Variants in RNF103 observed in about 807,000 individuals in gnomAD.
RNF103 encodes the protein E3 ubiquitin-protein ligase RNF103.
In RNF103, 23 loss-of-function variants were observed where a neutral mutation model predicts 66.2. The ratio of observed to expected loss-of-function variants is 0.35; its 90% CI spans 0.25 to 0.49. The LOEUF is 0.49. Ranked by LOEUF, RNF103 falls within the 20% of genes least tolerant of loss-of-function variation. The pLI, the probability that RNF103 is intolerant of heterozygous loss-of-function variation, is 0.98. For missense variants in RNF103, 730 were observed against 814.7 expected (o/e 0.90, Z 1.27); for synonymous variants, 297 against 289.9 (o/e 1.02, Z -0.25).
chr2:86,618,033 G>T, intron 2 of RNF103: 1 of 454,908 alleles, frequency 2.2e-6, no homozygotes, highest in South Asian at 1.6e-5. Context: ...TTAAGCAGGT[G>T]TCCTACTGCA....
intron 3 of RNF103, among the ~76,000 whole-genome samples, chr2:86,611,862 A>G (rs1167609258): frequency 6.6e-6 from 1 of 152,184 alleles, no homozygotes; most frequent in African/African-American, 2.4e-5. Flanking sequence ...AGAAAGGTGA[A>G]ATGAAAAGGA....
In RNF103 at chr2:86,623,253, C is replaced by G; in HGVS notation, c.-367G>C. 20 of 1,001,882 alleles carry G rather than the reference C, an allele frequency of 2.0e-5. No homozygotes were observed. The highest frequency in any genetic ancestry group is 2.3e-5 in the Non-Finnish European group (19 of 842,172). 62.1% of individuals were successfully genotyped at this position (1,001,882 alleles called of 1,614,324 possible). ...CGCTTCCCCCGGGGCGGGCACTGAC[C>G]CAGGTGGCGGGGTCGGCCCTCCGGT... On this transcript the variant is annotated 5_prime_UTR_variant, in exon 1 of 4. Coordinates refer to ENST00000237455, the MANE Select transcript of RNF103 (RefSeq NM_005667.4).
intron 1 of RNF103, among the ~76,000 whole-genome samples, chr2:86,621,218 C>T (rs887286535): frequency 1.3e-5 from 2 of 152,042 alleles, no homozygotes; most frequent in East Asian, 3.8e-4. Flanking sequence ...TCATACTGGG[C>T]TGTGCGTCTT....
At position 86,605,346 on chromosome 2, in the gene RNF103, C is replaced by A; in HGVS notation, c.555G>T (p.Gly185=). 1.2e-6 allele frequency: 2 copies of A among 1,614,142 alleles called. No homozygotes were observed. The highest frequency in any genetic ancestry group is 1.7e-6 in the Non-Finnish European group (2 of 1,180,008). ...MSVPQTSTSK[G]KVMLKEYSGR... is the part of the protein sequence containing the mutation. Reference sequence around the variant, plus strand: ...CACTGTATTCTTTAAGCATGACTTTCCCTTTTGAAGTACTTGTTTGTGGAA... The same window carrying A: ...CACTGTATTCTTTAAGCATGACTTTACCTTTTGAAGTACTTGTTTGTGGAA... The change falls in exon 4 of 4, where the codon GGG becomes GGT. Residue 185 remains glycine, a synonymous_variant. Transcript: ENST00000237455.
chr2:86,617,977 G>A (rs1457678273), intron 2 of RNF103: 1 of 500,606 alleles, frequency 2.0e-6, no homozygotes, highest in African/African-American at 2.0e-5. Flanking sequence ...AGGAACACAA[G>A]CCAGACAGTG....
intron 3 of RNF103, among the ~76,000 whole-genome samples, chr2:86,609,192 C>T (rs1166145539): frequency 3.3e-5 from 5 of 152,046 alleles, no homozygotes; most frequent in Non-Finnish European, 4.4e-5. Flanking sequence ...GTAGTTTCCT[C>T]GAGAGTGGGC....
chr2:86,606,662 C>CAAAAAAA (rs200897796), intron 3 of RNF103, among the ~76,000 whole-genome samples: 2 of 97,418 alleles, frequency 2.1e-5, no homozygotes, highest in Non-Finnish European at 3.9e-5. Flanking sequence ...AACTTCGTCT[C>CAAAAAAA]AAAAAAAAAA....
rs150313341 is a variant in RNF103, at chr2:86,603,954, C to T, written c.1947G>A (p.Val649=). ...CGHVFHQNCI[V]MWLAGGRHCC... is the part of the protein sequence containing the mutation. ...AATGTCGGCCCCCAGCCAACCACAT[C>T]ACAATGCAATTCTGATGAAACACAT... The change falls in exon 4 of 4, where the codon GTG becomes GTA. Residue 649 remains valine (V), a synonymous_variant. Transcript: ENST00000237455. The T allele has an allele frequency of 5.6e-6, 9 of 1,614,042 alleles. No homozygotes were observed. The African/African-American group carries it at 9.3e-5, about 17-fold the overall frequency.
chr2:86,607,590 T>C (rs1167124399), intron 3 of RNF103, among the ~76,000 whole-genome samples: 1 of 152,244 alleles, frequency 6.6e-6, no homozygotes, highest in Non-Finnish European at 1.5e-5. Context: ...TATATATTCC[T>C]ACAAAATAAA....
At chr2:86,614,448 C>G (rs11890173) in intron 2 of RNF103, 11,824 of 152,016 alleles carry the variant, frequency 0.078, 493 homozygotes, top group Non-Finnish European at 0.083. Context: ...TTAAAAAAAA[C>G]AAAAATTTGC....
At position 86,604,992 on chromosome 2, in the gene RNF103, T is replaced by G. The variant is rs754426665; in HGVS notation, c.909A>C (p.Thr303=). The change falls in exon 4 of 4, where the codon ACA becomes ACC. Residue 303 remains threonine, a synonymous_variant. Transcript: ENST00000237455. ...TGGCCTGAAGGGATATAAATTCGCC[T>G]GTGTGGTTTCCATACCTGTAAATTC... is the stretch of plus-strand genomic sequence containing the variant. ...PEGIYRYGNH[T]GEFISLQAMD... 2 of 1,614,182 alleles carry G rather than the reference T, an allele frequency of 1.2e-6. No individual in the cohort carries two copies. The highest frequency in any genetic ancestry group is 1.3e-5 in the African/African-American group (1 of 75,058).
chr2:86,620,027 G>A (rs1679165157), intron 2 of RNF103, among the ~76,000 whole-genome samples: 1 of 152,134 alleles, frequency 6.6e-6, no homozygotes, highest in South Asian at 2.1e-4. Flanking sequence ...AAATAAAAGG[G>A]ATATATATGT....
intron 2 of RNF103, chr2:86,617,349 C>T: frequency 1.0e-6 from 1 of 978,638 alleles, no homozygotes; most frequent in Non-Finnish European, 1.2e-6. Flanking sequence ...CCCTCAGTTT[C>T]ACTTTCTGCA....
chr2:86,615,980 C>A (rs967040674), intron 2 of RNF103, among the ~76,000 whole-genome samples: 1 of 152,200 alleles, frequency 6.6e-6, no homozygotes, highest in African/African-American at 2.4e-5. Context: ...TACACAGAGT[C>A]TCTAAAGGAA....
Position 86,620,210 on chromosome 2 carries a change from A to G in RNF103, c.366+120T>C, listed in dbSNP as rs1215338372. 2.4e-6 allele frequency: 3 copies of G among 1,257,870 alleles called. No homozygotes were observed. The East Asian group carries it at 7.7e-5, about 32-fold the overall frequency. 77.9% of individuals were successfully genotyped at this position (1,257,870 alleles called of 1,614,324 possible). On this transcript the variant is annotated intron_variant, in intron 2 of 3. Transcript: ENST00000237455. ...TACTGGAGCCTCCCTAAGAGAACTG[A>G]GTTATGTGTGAGAAACAAGACACAA...
At chr2:86,615,119 G>A in intron 2 of RNF103, 1 of 985,440 alleles carries the variant, frequency 1.0e-6, no homozygotes, top group Non-Finnish European at 1.2e-6. Context: ...TTATAGCAGA[G>A]ATAGTAGAAG....
Position 86,604,383 on chromosome 2 carries a change from A to C in RNF103, c.1518T>G (p.Thr506=). The change falls in exon 4 of 4, where the codon ACT becomes ACG. Residue 506 remains threonine, a synonymous_variant. Transcript: ENST00000237455. ...PDLWLHPLIP[T]DYIKNLPMWR... is the part of the protein sequence containing the mutation. ...ACATTGGTAAGTTTTTAATATAATC[A>C]GTTGGTATCAGAGGGTGAAGCCAAA... The C allele has an allele frequency of 6.2e-7, 1 of 1,614,232 alleles. No individual in the cohort carries two copies. The highest frequency in any genetic ancestry group is 1.3e-5 in the African/African-American group (1 of 75,064).
intron 3 of RNF103, among the ~76,000 whole-genome samples, chr2:86,606,053 A>C (rs1254928444): frequency 6.6e-6 from 1 of 152,366 alleles, no homozygotes; most frequent in Non-Finnish European, 1.5e-5. Flanking sequence ...AAGCCAACCA[A>C]GAAAAGAGCA....
At chr2:86,606,040 CA>C (rs1334017099) in intron 3 of RNF103, among the ~76,000 whole-genome samples, 4 of 152,162 alleles carry the variant, frequency 2.6e-5, no homozygotes, top group Non-Finnish European at 4.4e-5. Flanking sequence ...GTAATCTGCA[CA>C]AAAGCCAACC....
Sources: gnomAD v4.1 joint callset for allele counts (sites outside exome capture counted in the v4.1 genomes callset) on GRCh38, gnomAD v4.1.1 for gene constraint, MANE v1.5 for transcripts, NCBI Gene and HGNC (gene_info 2026-07-23, HGNC 2026-07-21) for gene names.